The following SV2C variants were observed in gnomAD, a reference collection of about 807,000 sequenced individuals.
SV2C encodes synaptic vesicle glycoprotein 2C.
Under a neutral mutation model 79.7 loss-of-function variants are expected in SV2C, and 49 were observed. The ratio of observed to expected loss-of-function variants is 0.61; its 90% CI spans 0.49 to 0.78. The LOEUF is 0.78. Ranked by LOEUF, SV2C falls within the 30% of genes least tolerant of loss-of-function variation. The pLI is 0.00. For missense variants in SV2C, 833 were observed against 912.9 expected, an observed-to-expected ratio of 0.91 and a Z score of 1.13; for synonymous variants, 334 against 333.2, an observed-to-expected ratio of 1.00 and a Z score of -0.03.
At chr5:76,136,471 C>T (rs1313571046) in intron 2 of SV2C, among the ~76,000 whole-genome samples, 1 of 150,998 alleles carries the variant, frequency 6.6e-6, no homozygotes, top group Non-Finnish European at 1.5e-5. Flanking sequence ...CATTCAGGAA[C>T]TTTTTTTTTG....
chr5:75,934,302 C>CTTTTTTTT, the SV2C span, among the ~76,000 whole-genome samples: 13,671 of 106,536 alleles, frequency 0.13, 1,090 homozygotes, highest in Non-Finnish European at 0.14. Context: ...TTCTTTCTTT[C>CTTTTTTTT]TTTTTTTTTT....
intron 12 of SV2C, among the ~76,000 whole-genome samples, chr5:76,340,924 A>ATT (rs56102200): frequency 0.29 from 32,455 of 111,752 alleles, 5,897 homozygotes; most frequent in Middle Eastern, 0.43. Context: ...GTTTTACAAA[A>ATT]TTTTTTTTTT....
chr5:76,314,647 G>A (rs541054097), intron 12 of SV2C, among the ~76,000 whole-genome samples: 3 of 152,308 alleles, frequency 2.0e-5, no homozygotes, highest in Admixed American at 1.3e-4. Context: ...TCCTGTAAGA[G>A]TAGGTATTCT....
chr5:76,110,603 A>G (rs901116367), intron 1 of SV2C, among the ~76,000 whole-genome samples: 1 of 152,224 alleles, frequency 6.6e-6, no homozygotes, highest in Non-Finnish European at 1.5e-5. Context: ...GTGCTGAAGC[A>G]CACATTTGAT....
the SV2C span, among the ~76,000 whole-genome samples, chr5:76,030,012 G>A: frequency 6.6e-6 from 1 of 152,126 alleles, no homozygotes. Flanking sequence ...CGATCCAGGT[G>A]ACTGCAGACC....
At chr5:75,945,206 T>C in the SV2C span, among the ~76,000 whole-genome samples, 1 of 152,134 alleles carries the variant, frequency 6.6e-6, no homozygotes, top group South Asian at 2.1e-4. Context: ...ATGGAAATTT[T>C]AGAACTGAAA....
In SV2C at chr5:76,300,156, AATTATTATTATTATT is replaced by A. The variant is rs142593511; in HGVS notation, c.1637-551_1637-537del. On this transcript the variant is annotated intron_variant, in intron 10 of 12. Transcript: ENST00000502798. ...CAGCTCACTGCGGCCTCAAATAAAAAATTATTATTATTATTATTATTATTATTATTATTATTTTTG... is the reference window on the plus strand; with the variant it reads ...CAGCTCACTGCGGCCTCAAATAAAAAATTATTATTATTATTATTATTTTTG... Among the ~76,000 whole-genome samples the A allele has an allele frequency of 2.4e-3, 330 of 139,676 alleles. 3 individuals are homozygous for A. The highest frequency in any genetic ancestry group is 3.7e-3 in the Non-Finnish European group (242 of 65,336). The allele number at this position is 139,676 out of a possible 152,430, so 91.6% of individuals were successfully genotyped here.
At chr5:75,994,540 G>A in the SV2C span, among the ~76,000 whole-genome samples, 1 of 152,114 alleles carries the variant, frequency 6.6e-6, no homozygotes, top group South Asian at 2.1e-4. Context: ...GGGCATTGAA[G>A]GAGAAGATCT....
rs761435934 is a variant in SV2C, at chr5:76,325,456, C to G, written c.2093C>G (p.Ser698Ter). Reference sequence around the variant, plus strand: ...GGCTCTCTGGTCAGCATCACCAAATCAATCCCCATCCTGCTGGCTTCTACT... The same window carrying G: ...GGCTCTCTGGTCAGCATCACCAAATGAATCCCCATCCTGCTGGCTTCTACT... ...IFGSLVSITK[S>*]IPILLASTVL... The change falls in exon 13 of 13, where the codon TCA (serine) becomes TGA (stop). Residue 698 changes from serine to a stop codon, truncating the protein, a stop_gained. Coordinates refer to ENST00000502798, the MANE Select transcript of SV2C (RefSeq NM_014979.4). LOFTEE classifies it high-confidence loss of function. 6.2e-7 allele frequency: 1 copy of G among 1,614,194 alleles called. No homozygotes were observed. The highest frequency in any genetic ancestry group is 1.1e-5 in the South Asian group (1 of 91,070).
the SV2C span, among the ~76,000 whole-genome samples, chr5:76,009,558 C>T: frequency 6.6e-6 from 1 of 152,180 alleles, no homozygotes; most frequent in African/African-American, 2.4e-5. Flanking sequence ...GGTACGTATA[C>T]ACCATGGAAA....
chr5:75,986,421 A>G, the SV2C span, among the ~76,000 whole-genome samples: 1 of 151,866 alleles, frequency 6.6e-6, no homozygotes, highest in Non-Finnish European at 1.5e-5. Flanking sequence ...GGTGGCTATT[A>G]GAGGCTAGAA....
the SV2C span, among the ~76,000 whole-genome samples, chr5:75,901,390 C>A: frequency 0.017 from 2,515 of 152,262 alleles, 36 homozygotes; most frequent in African/African-American, 0.043. Context: ...GTGGTGGCTG[C>A]AGAACAATGG....
At chr5:75,961,227 TA>T in the SV2C span, among the ~76,000 whole-genome samples, 84 of 152,164 alleles carry the variant, frequency 5.5e-4, no homozygotes, top group African/African-American at 1.1e-3. Context: ...TGGATTTAAT[TA>T]TTTTTTTGCA....
At chr5:75,877,008 A>G in the SV2C span, among the ~76,000 whole-genome samples, 1 of 152,122 alleles carries the variant, frequency 6.6e-6, no homozygotes, top group African/African-American at 2.4e-5. Flanking sequence ...AGATTGTCAC[A>G]CTGGATTAAA....
chr5:75,975,453 A>G, the SV2C span, among the ~76,000 whole-genome samples: 1 of 152,190 alleles, frequency 6.6e-6, no homozygotes. Context: ...CAATTCATGT[A>G]GGAATTTACT....
intron 1 of SV2C, among the ~76,000 whole-genome samples, chr5:76,118,360 C>G (rs1748350997): frequency 6.6e-6 from 1 of 152,114 alleles, no homozygotes; most frequent in African/African-American, 2.4e-5. Context: ...TCTCACAATC[C>G]TTAATATATT....
chr5:76,039,385 G>T, the SV2C span, among the ~76,000 whole-genome samples: 1 of 152,148 alleles, frequency 6.6e-6, no homozygotes, highest in Non-Finnish European at 1.5e-5. Flanking sequence ...CCTTTAGTTG[G>T]TTAAATTTCA....
At chr5:76,208,033 T>C (rs1744661358) in intron 3 of SV2C, among the ~76,000 whole-genome samples, 2 of 152,086 alleles carry the variant, frequency 1.3e-5, no homozygotes, top group South Asian at 2.1e-4. Context: ...TGCCTCTGTG[T>C]GTGATGGTGC....
chr5:76,035,610 A>G, the SV2C span, among the ~76,000 whole-genome samples: 1 of 48,920 alleles, frequency 2.0e-5, no homozygotes, highest in African/African-American at 2.5e-4. Flanking sequence ...CTGTGATCTG[A>G]GAGATAGTTT....
Sources: gnomAD v4.1 joint callset for allele counts (sites outside exome capture counted in the v4.1 genomes callset) on GRCh38, gnomAD v4.1.1 for gene constraint, MANE v1.5 for transcripts, NCBI Gene and HGNC (gene_info 2026-07-23, HGNC 2026-07-21) for gene names.